The following PTPN22 variants were observed in gnomAD, a reference collection of about 807,000 sequenced individuals.
The protein encoded by PTPN22 is tyrosine-protein phosphatase non-receptor type 22.
A neutral mutation model predicts 103.3 loss-of-function variants in PTPN22; 85 were observed. The ratio of observed to expected loss-of-function variants is 0.82; its 90% CI spans 0.69 to 0.99. PTPN22 has a LOEUF of 0.99. Among genes scored for constraint, PTPN22 ranks in the 50% least tolerant of loss-of-function variants. PTPN22 has a pLI of 0.00. For synonymous variants in PTPN22, 323 were observed against 310.2 expected (o/e 1.04, Z -0.43); for missense variants, 865 against 936.9 (o/e 0.92, Z 1.00).
At chr1:113,817,382 CT>C (rs1327745892) in intron 20 of PTPN22, among the ~76,000 whole-genome samples, 1 of 152,136 alleles carries the variant, frequency 6.6e-6, no homozygotes, top group Non-Finnish European at 1.5e-5. Context: ...GATTTAAGTA[CT>C]TTTTTGAGTA....
At chr1:113,841,596 C>A (rs1350712501) in intron 11 of PTPN22, among the ~76,000 whole-genome samples, 1 of 138,602 alleles carries the variant, frequency 7.2e-6, no homozygotes, top group Non-Finnish European at 1.6e-5. Flanking sequence ...GTAAACAACT[C>A]TTTTTTTTTT....
In PTPN22 at chr1:113,871,520, T is replaced by C; in HGVS notation, c.87+17A>G. On this transcript the variant is annotated intron_variant, in intron 1 of 20. Coordinates refer to ENST00000359785, the Ensembl canonical transcript of PTPN22. The stretch of plus-strand genomic sequence containing the variant: ...AGTGTATGTAACTACCCTGAGAGGG[T>C]CACATACAGGACTCACCAGAAATTC... 1 of 1,609,336 alleles carries C rather than the reference T, an allele frequency of 6.2e-7. No individual in the cohort carries two copies. Among genetic ancestry groups the C allele is most frequent in the East Asian group, 2.2e-5 (1 of 44,862 alleles).
chr1:113,849,833 C>T (rs1030101046), intron 10 of PTPN22, among the ~76,000 whole-genome samples: 6 of 152,048 alleles, frequency 3.9e-5, no homozygotes, highest in African/African-American at 1.2e-4. Flanking sequence ...AAGTGATCCA[C>T]CTGCCTCAGC....
chr1:113,825,202 T>C, intron 18 of PTPN22, 30 bp from the exon 19 acceptor site: 2 of 1,382,662 alleles, frequency 1.4e-6, no homozygotes, highest in Non-Finnish European at 2.0e-6. Context: ...TGTTAGTTTT[T>C]TTTCCTGTGA....
intron 19 of PTPN22, among the ~76,000 whole-genome samples, chr1:113,821,231 G>A (rs1177717520): frequency 6.6e-6 from 1 of 152,004 alleles, no homozygotes; most frequent in Non-Finnish European, 1.5e-5. Flanking sequence ...TTACAAAGGA[G>A]GCACAGATTC....
intron 7 of PTPN22, 101 bp downstream of exon 7, chr1:113,856,281 C>T (rs942900034): frequency 1.4e-6 from 2 of 1,401,856 alleles, no homozygotes; most frequent in African/African-American, 2.9e-5. Flanking sequence ...AAGACCCTAC[C>T]ACTTCCCATT....
At chr1:113,819,703 G>C in intron 19 of PTPN22, 49 bp from the exon 20 acceptor site, 1 of 1,259,058 alleles carries the variant, frequency 7.9e-7, no homozygotes, top group Non-Finnish European at 1.1e-6. Flanking sequence ...GACAGACTCA[G>C]ATGACTGTTG....
Position 113,860,272 on chromosome 1 carries a change from T to C in PTPN22, c.88-812A>G, listed in dbSNP as rs146724480. Among the ~76,000 whole-genome samples the C allele has an allele frequency of 5.9e-4, 90 of 152,334 alleles. 2 individuals are homozygous for C. In the East Asian group the frequency reaches 0.016, roughly 27 times the overall value. On this transcript the variant is annotated intron_variant, in intron 1 of 20. Coordinates refer to ENST00000359785, the Ensembl canonical transcript of PTPN22. Reference sequence around the variant, plus strand: ...CTTTTATTACTGTAGATTATCATAATTGTTCTATTGTATTACTAGCTATTA... The same window carrying C: ...CTTTTATTACTGTAGATTATCATAACTGTTCTATTGTATTACTAGCTATTA...
intron 16 of PTPN22, among the ~76,000 whole-genome samples, chr1:113,830,919 TG>T (rs1298779578): frequency 1.3e-5 from 2 of 152,168 alleles, no homozygotes; most frequent in African/African-American, 4.8e-5. Flanking sequence ...CCTTAGAATT[TG>T]TCTTATCAAT....
chr1:113,842,428 C>T (rs1663632760), intron 11 of PTPN22, among the ~76,000 whole-genome samples: 1 of 152,212 alleles, frequency 6.6e-6, no homozygotes, highest in Admixed American at 6.5e-5. Flanking sequence ...GTAATCCCAG[C>T]ACTTTGGGAG....
chr1:113,857,862 T>A (rs1225041528), intron 4 of PTPN22, 86 bp from the exon 5 acceptor site: 8 of 1,225,578 alleles, frequency 6.5e-6, no homozygotes, highest in Non-Finnish European at 9.1e-6. Context: ...TCAGAAAGTA[T>A]TAACCGTTCT....
intron 5 of PTPN22, 150 bp downstream of exon 5, chr1:113,857,588 C>T: frequency 1.6e-6 from 1 of 639,740 alleles, no homozygotes; most frequent in South Asian, 2.3e-5. Context: ...AAAAAATCCT[C>T]TGAGAATCAC....
At chr1:113,837,971 G>A in exon 13 of PTPN22, 1 of 1,614,104 alleles carries the variant, frequency 6.2e-7, no homozygotes, top group Admixed American at 1.7e-5. Flanking sequence ...CAAGAATCAT[G>A]TGGTTGAGAT....
chr1:113,856,873 C>T (rs1473951119), intron 5 of PTPN22: 7 of 442,990 alleles, frequency 1.6e-5, no homozygotes, highest in Non-Finnish European at 2.4e-5. Flanking sequence ...TAGTATTTCA[C>T]AAGAACTAAC....
At chr1:113,850,079 C>G (rs1664427039) in intron 10 of PTPN22, among the ~76,000 whole-genome samples, 1 of 152,040 alleles carries the variant, frequency 6.6e-6, no homozygotes, top group African/African-American at 2.4e-5. Flanking sequence ...TGCCTGGAGT[C>G]CCACCTACTC....
At chr1:113,837,045 T>A (rs532783802) in intron 13 of PTPN22, among the ~76,000 whole-genome samples, 25 of 152,304 alleles carry the variant, frequency 1.6e-4, no homozygotes, top group African/African-American at 5.8e-4. Context: ...CTTGATTGCC[T>A]CCATTGTTGC....
intron 20 of PTPN22, among the ~76,000 whole-genome samples, chr1:113,816,474 G>T (rs1327627287): frequency 1.3e-5 from 2 of 151,820 alleles, no homozygotes; most frequent in African/African-American, 4.8e-5. Context: ...ACAATGCCTG[G>T]CACATAGTAA....
Position 113,843,099 on chromosome 1 carries a change from CAAA to C in PTPN22, c.916-4482_916-4480del, listed in dbSNP as rs71090738. Among the ~76,000 whole-genome samples, 207 of 47,906 alleles carry C rather than the reference CAAA, an allele frequency of 4.3e-3. 18 individuals are homozygous for C. The highest frequency in any genetic ancestry group is 0.021 in the African/African-American group (182 of 8,574). 31.4% of individuals were successfully genotyped at this position (47,906 alleles called of 152,430 possible). On this transcript the variant is annotated intron_variant, in intron 11 of 20. Coordinates refer to ENST00000359785, the Ensembl canonical transcript of PTPN22. The stretch of plus-strand genomic sequence containing the variant: ...TGGGCGACAGAGCGAGACTCCGTCT[CAAA>C]AAAAAAAAAAAAGAAAACTAAACAT...
chr1:113,816,570 G>T (rs895268293), intron 20 of PTPN22, among the ~76,000 whole-genome samples: 1 of 152,142 alleles, frequency 6.6e-6, no homozygotes, highest in African/African-American at 2.4e-5. Context: ...GATAGCTTGG[G>T]GCCAGGAATT....
Sources: gnomAD v4.1 joint callset for allele counts (sites outside exome capture counted in the v4.1 genomes callset) on GRCh38, gnomAD v4.1.1 for gene constraint, MANE v1.5 for transcripts, NCBI Gene and HGNC (gene_info 2026-07-23, HGNC 2026-07-21) for gene names.